Variants in FRS2 observed in about 807,000 individuals in gnomAD.
FRS2 encodes fibroblast growth factor receptor substrate 2.
FRS2 carries 8 observed loss-of-function variants against 43.9 expected under a neutral mutation model. The ratio of observed to expected loss-of-function variants is 0.18; its 90% confidence interval spans 0.11 to 0.33. The LOEUF is 0.33. Ranked by LOEUF, FRS2 falls within the 10% of genes least tolerant of loss-of-function variation. FRS2 has a pLI of 1.00. For synonymous variants in FRS2, 219 were observed against 220.3 expected (o/e 0.99, Z 0.05); for missense variants, 534 against 627.6 (o/e 0.85, Z 1.59).
intron 1 of FRS2, among the ~76,000 whole-genome samples, chr12:69,502,123 G>C (rs1353587654): frequency 6.6e-6 from 1 of 151,866 alleles, no homozygotes; most frequent in Non-Finnish European, 1.5e-5. Context: ...CTGCCACCAC[G>C]CCCGGCTAAT....
At position 69,571,508 on chromosome 12, in the gene FRS2, A is replaced by G. The variant is rs1565783397; in HGVS notation, c.412+74A>G. Reference sequence around the variant, plus strand: ...GTAAGCTATAGATTGTGGGTATTTAATCAATAACACACTAGAAATCACCAC... The same window carrying G: ...GTAAGCTATAGATTGTGGGTATTTAGTCAATAACACACTAGAAATCACCAC... On this transcript the variant is annotated intron_variant, in intron 7 of 8. Transcript: ENST00000549921. 13 of 1,148,068 alleles carry G rather than the reference A, an allele frequency of 1.1e-5. No individual in the cohort carries two copies. In the Admixed American group the frequency reaches 1.4e-4, roughly 12 times the overall value. The allele number at this position is 1,148,068 out of a possible 1,614,324, so 71.1% of individuals were successfully genotyped here.
At chr12:69,570,660 G>T in intron 6 of FRS2, 143 bp downstream of exon 6, 1 of 579,866 alleles carries the variant, frequency 1.7e-6, no homozygotes, top group East Asian at 2.8e-5. Flanking sequence ...AGTATACTGT[G>T]TATTAATTTA....
chr12:69,515,313 G>A (rs1225920132), intron 1 of FRS2, among the ~76,000 whole-genome samples: 1 of 152,200 alleles, frequency 6.6e-6, no homozygotes, highest in African/African-American at 2.4e-5. Flanking sequence ...GTAGTTTAAG[G>A]AAAGCTGAAA....
At chr12:69,472,019 T>C (rs1234642582) in intron 1 of FRS2, among the ~76,000 whole-genome samples, 2 of 152,218 alleles carry the variant, frequency 1.3e-5, no homozygotes, top group Non-Finnish European at 2.9e-5. Flanking sequence ...GGTAGATGAT[T>C]TTTAAAGTCC....
At chr12:69,501,688 T>C (rs909712885) in intron 1 of FRS2, among the ~76,000 whole-genome samples, 7 of 152,204 alleles carry the variant, frequency 4.6e-5, no homozygotes, top group Non-Finnish European at 1.0e-4. Flanking sequence ...GTTCTCAGTT[T>C]CTTCAAGCAT....
At chr12:69,539,809 G>A (rs1658434119) in intron 3 of FRS2, among the ~76,000 whole-genome samples, 1 of 152,052 alleles carries the variant, frequency 6.6e-6, no homozygotes, top group South Asian at 2.1e-4. Flanking sequence ...CAAAAAATTA[G>A]CTGGGCAGGG....
At chr12:69,488,224 A>C (rs1872132937) in intron 1 of FRS2, among the ~76,000 whole-genome samples, 1 of 152,222 alleles carries the variant, frequency 6.6e-6, no homozygotes, top group African/African-American at 2.4e-5. Context: ...CACATGCTAC[A>C]GAGAAATCTT....
chr12:69,520,595 A>G (rs917320268), intron 1 of FRS2, among the ~76,000 whole-genome samples: 2 of 151,880 alleles, frequency 1.3e-5, no homozygotes, highest in African/African-American at 2.4e-5. Flanking sequence ...ATTTTTGTAG[A>G]TGGTGTTGGA....
chr12:69,567,356 C>CA (rs1490655525), intron 4 of FRS2, among the ~76,000 whole-genome samples: 1 of 152,142 alleles, frequency 6.6e-6, no homozygotes, highest in African/African-American at 2.4e-5. Context: ...TACGCTAGTA[C>CA]ACTTTTTCAT....
chr12:69,512,132 T>C (rs1392489632), intron 1 of FRS2, among the ~76,000 whole-genome samples: 1 of 152,204 alleles, frequency 6.6e-6, no homozygotes, highest in Non-Finnish European at 1.5e-5. Context: ...TGTAAACCTT[T>C]TATCTCTTTA....
At chr12:69,540,971 A>C (rs1332287835) in intron 3 of FRS2, among the ~76,000 whole-genome samples, 1 of 152,224 alleles carries the variant, frequency 6.6e-6, no homozygotes, top group Non-Finnish European at 1.5e-5. Context: ...GTGCTCCTGA[A>C]AATGGTCAGG....
chr12:69,533,537 C>T (rs1423433948), intron 3 of FRS2, among the ~76,000 whole-genome samples: 4 of 152,146 alleles, frequency 2.6e-5, no homozygotes, highest in East Asian at 3.9e-4. Flanking sequence ...TTAGTAGAGA[C>T]GGGGTTTCTC....
chr12:69,547,427 C>A (rs1466778862), intron 3 of FRS2, among the ~76,000 whole-genome samples: 1 of 151,816 alleles, frequency 6.6e-6, no homozygotes, highest in Non-Finnish European at 1.5e-5. Context: ...ACATCACTGC[C>A]CTCCTGCCTA....
chr12:69,478,089 G>C (rs1012828524), intron 1 of FRS2, among the ~76,000 whole-genome samples: 1 of 152,066 alleles, frequency 6.6e-6, no homozygotes, highest in African/African-American at 2.4e-5. Context: ...TTGGAACATA[G>C]GAGATGGTAA....
chr12:69,545,770 A>AC (rs1453593811), intron 3 of FRS2, among the ~76,000 whole-genome samples: 40 of 150,952 alleles, frequency 2.6e-4, no homozygotes, highest in Admixed American at 1.7e-3. Flanking sequence ...AAAAAAAAAA[A>AC]AAAAAAAACA....
chr12:69,551,336 G>C (rs1257668793), intron 3 of FRS2, among the ~76,000 whole-genome samples: 1 of 151,820 alleles, frequency 6.6e-6, no homozygotes, highest in Non-Finnish European at 1.5e-5. Flanking sequence ...CTGGGCAATG[G>C]AGCGAGACCC....
At chr12:69,478,493 G>A (rs1386412813) in intron 1 of FRS2, among the ~76,000 whole-genome samples, 1 of 152,130 alleles carries the variant, frequency 6.6e-6, no homozygotes, top group Non-Finnish European at 1.5e-5. Context: ...AGGAAGACGA[G>A]AGAGAAGAGA....
intron 3 of FRS2, among the ~76,000 whole-genome samples, chr12:69,536,090 G>A (rs1237185402): frequency 3.1e-5 from 2 of 65,152 alleles, no homozygotes; most frequent in Non-Finnish European, 6.1e-5. Flanking sequence ...GGTTACTGTA[G>A]TATTTTCATT....
At chr12:69,515,612 C>CT (rs1874923963) in intron 1 of FRS2, among the ~76,000 whole-genome samples, 1 of 152,120 alleles carries the variant, frequency 6.6e-6, no homozygotes, top group Admixed American at 6.5e-5. Flanking sequence ...CTCACACCCA[C>CT]TCCTCGAGAG....
Sources: allele counts gnomAD v4.1 joint callset (sites outside exome capture counted in the v4.1 genomes callset), GRCh38; gene constraint gnomAD v4.1.1; transcripts MANE v1.5; gene names NCBI Gene and HGNC (gene_info 2026-07-23, HGNC 2026-07-21).